Variants in SSBP2 observed in about 807,000 individuals in gnomAD.
The protein encoded by SSBP2 is single-stranded DNA-binding protein 2.
In SSBP2, 17 loss-of-function variants were observed where a neutral mutation model predicts 61.8. That is an observed-to-expected ratio of 0.28 (90% confidence interval 0.19 to 0.41). The LOEUF is 0.41. SSBP2 is among the 10% of genes least tolerant of loss of function. The pLI is 1.00. For missense variants in SSBP2, 310 were observed against 458.7 expected, an observed-to-expected ratio of 0.68 and a Z score of 2.96; for synonymous variants, 139 against 141.3, an observed-to-expected ratio of 0.98 and a Z score of 0.12.
intron 1 of SSBP2, among the ~76,000 whole-genome samples, chr5:81,691,358 C>CA (rs1339801721): frequency 1.3e-5 from 2 of 151,796 alleles, no homozygotes; most frequent in East Asian, 3.9e-4. Flanking sequence ...TAAATGAAAT[C>CA]AGAGATGAAA....
intron 1 of SSBP2, among the ~76,000 whole-genome samples, chr5:81,736,130 C>G (rs142760774): frequency 2.3e-3 from 331 of 144,646 alleles, no homozygotes; most frequent in African/African-American, 7.4e-3. Context: ...CCAAAAACAT[C>G]CTACTACCCT....
In SSBP2 at chr5:81,590,496, T is replaced by C. The variant is rs374007194; in HGVS notation, c.282+24977A>G. Among the ~76,000 whole-genome samples the C allele has an allele frequency of 1.6e-4, 25 of 152,280 alleles. No individual in the cohort carries two copies. In the South Asian group the frequency reaches 5.0e-3, roughly 30 times the overall value. On this transcript the variant is annotated intron_variant, in intron 4 of 16. Transcript: ENST00000320672. ...TTGATTATCTGAAGCAGATGCTAGA[T>C]TGAATACAAACTGGTAGGAACTCCA...
intron 1 of SSBP2, among the ~76,000 whole-genome samples, chr5:81,723,903 T>G (rs1201459206): frequency 6.6e-6 from 1 of 152,016 alleles, no homozygotes; most frequent in African/African-American, 2.4e-5. Flanking sequence ...TCCAACAACC[T>G]CACTTCTCTA....
chr5:81,440,516 T>C (rs1163812203), intron 14 of SSBP2, 42 bp downstream of exon 14: 19 of 1,553,134 alleles, frequency 1.2e-5, no homozygotes, highest in Non-Finnish European at 1.4e-5. Context: ...AATTAAGGTT[T>C]TGTTATGAAT....
intron 1 of SSBP2, among the ~76,000 whole-genome samples, chr5:81,672,851 G>A (rs571860675): frequency 3.3e-5 from 5 of 151,782 alleles, no homozygotes; most frequent in African/African-American, 9.7e-5. Context: ...TGGGATTACA[G>A]GCGTTAGCCA....
intron 1 of SSBP2, among the ~76,000 whole-genome samples, chr5:81,725,953 A>G (rs1755855949): frequency 6.6e-6 from 1 of 152,170 alleles, no homozygotes; most frequent in Admixed American, 6.5e-5. Flanking sequence ...AGGCATTTTA[A>G]CATGTTGAAT....
At chr5:81,708,098 C>A (rs1269832271) in intron 1 of SSBP2, among the ~76,000 whole-genome samples, 2 of 151,982 alleles carry the variant, frequency 1.3e-5, no homozygotes, top group South Asian at 4.1e-4. Context: ...AAACTATAAC[C>A]CCCCGCTAAG....
intron 4 of SSBP2, among the ~76,000 whole-genome samples, chr5:81,520,474 G>A (rs1021223649): frequency 5.9e-5 from 9 of 151,720 alleles, no homozygotes; most frequent in African/African-American, 1.9e-4. Flanking sequence ...AATGATTTAC[G>A]AAAAAAATGA....
chr5:81,638,481 C>A (rs1479764721), intron 2 of SSBP2, among the ~76,000 whole-genome samples: 1 of 151,688 alleles, frequency 6.6e-6, no homozygotes, highest in Non-Finnish European at 1.5e-5. Context: ...TAAGATCCCA[C>A]CACTGCACTC....
At chr5:81,729,984 A>G (rs1756146510) in intron 1 of SSBP2, among the ~76,000 whole-genome samples, 1 of 152,164 alleles carries the variant, frequency 6.6e-6, no homozygotes, top group Non-Finnish European at 1.5e-5. Flanking sequence ...CTTAATTATT[A>G]ATCTATTTTT....
chr5:81,611,600 G>A (rs977003423), intron 4 of SSBP2, among the ~76,000 whole-genome samples: 2 of 152,002 alleles, frequency 1.3e-5, no homozygotes, highest in Non-Finnish European at 1.5e-5. Flanking sequence ...ACTATTGGCA[G>A]CAATCACAGG....
intron 4 of SSBP2, among the ~76,000 whole-genome samples, chr5:81,537,183 T>A (rs1407398781): frequency 2.0e-5 from 3 of 152,172 alleles, no homozygotes; most frequent in Non-Finnish European, 4.4e-5. Context: ...CTTTATTGCT[T>A]AATAAAATCC....
At chr5:81,598,647 C>T (rs1430976193) in intron 4 of SSBP2, among the ~76,000 whole-genome samples, 1 of 152,142 alleles carries the variant, frequency 6.6e-6, no homozygotes, top group African/African-American at 2.4e-5. Flanking sequence ...CAAATCTGAT[C>T]ATGTTGCTCC....
At chr5:81,542,575 G>T (rs1771356924) in intron 4 of SSBP2, among the ~76,000 whole-genome samples, 2 of 151,814 alleles carry the variant, frequency 1.3e-5, no homozygotes, top group Admixed American at 6.6e-5. Context: ...TATACACATG[G>T]TATATATTCC....
At chr5:81,661,169 A>C (rs1750663530) in intron 1 of SSBP2, among the ~76,000 whole-genome samples, 1 of 152,176 alleles carries the variant, frequency 6.6e-6, no homozygotes, top group Non-Finnish European at 1.5e-5. Context: ...AACTTTAAAA[A>C]ATTGTTTTTT....
intron 6 of SSBP2, among the ~76,000 whole-genome samples, chr5:81,488,797 T>G (rs1037329260): frequency 6.8e-6 from 1 of 147,864 alleles, no homozygotes; most frequent in South Asian, 2.1e-4. Context: ...AGTGAGAACA[T>G]GTGGTGTTAG....
Position 81,415,941 on chromosome 5 carries a change from G to C in SSBP2, c.*4563C>G, listed in dbSNP as rs1245521181. The C allele has an allele frequency of 1.1e-5, 1 of 95,090 alleles. No homozygotes were observed. Among genetic ancestry groups the C allele is most frequent in the Non-Finnish European group, 1.9e-5 (1 of 51,868 alleles). The allele number at this position is 95,090 out of a possible 1,614,324, so 5.9% of individuals were successfully genotyped here. On this transcript the variant is annotated 3_prime_UTR_variant, in exon 17 of 17. Coordinates refer to ENST00000320672, the MANE Select transcript of SSBP2 (RefSeq NM_012446.5). ...AAAAAAAAAAAAAAGAGGAAAACCT[G>C]ATCAAGCATAGTGGCTCATGCCTGT...
intron 12 of SSBP2, among the ~76,000 whole-genome samples, chr5:81,443,563 T>A (rs1165168409): frequency 6.6e-6 from 1 of 152,178 alleles, no homozygotes; most frequent in Non-Finnish European, 1.5e-5. Flanking sequence ...AGGCCTCTTT[T>A]GTTTTATTTT....
rs1386184517 is a variant in SSBP2 at position 81,444,852 on chromosome 5, G to C, written c.778+2016C>G. 2.6e-5 allele frequency among the ~76,000 whole-genome samples: 4 copies of C among 151,812 alleles called. No homozygotes were observed. In the East Asian group the frequency reaches 7.8e-4, roughly 30 times the overall value. On this transcript the variant is annotated intron_variant, in intron 12 of 16. Transcript: ENST00000320672. The stretch of plus-strand genomic sequence containing the variant: ...AGATTGGTATTTATGGCCAGGCGAG[G>C]TGGCTCACACCTGTAATCCCAGCAC...
Sources: allele counts gnomAD v4.1 joint callset (sites outside exome capture counted in the v4.1 genomes callset), GRCh38; gene constraint gnomAD v4.1.1; transcripts MANE v1.5; gene names NCBI Gene and HGNC (gene_info 2026-07-23, HGNC 2026-07-21).